Variants in OPRM1 observed in about 807,000 individuals in gnomAD.
OPRM1 encodes the protein opioid receptor mu 1.
Under a neutral mutation model 31.8 loss-of-function variants are expected in OPRM1, and 27 were observed. That is an observed-to-expected ratio of 0.85 (90% CI 0.63 to 1.17). The LOEUF (loss-of-function observed/expected upper bound fraction) is 1.17, where lower values mean the gene tolerates loss of function less well. OPRM1 is among the 50% of genes most tolerant of loss of function. The pLI is 0.00. For missense variants in OPRM1, 536 were observed against 511.1 expected, an observed-to-expected ratio of 1.05 and a Z score of -0.47; for synonymous variants, 196 against 189.9, an observed-to-expected ratio of 1.03 and a Z score of -0.26.
intron 3 of OPRM1, among the ~76,000 whole-genome samples, chr6:154,169,788 C>A (rs1049525339): frequency 4.6e-5 from 7 of 152,214 alleles, no homozygotes; most frequent in African/African-American, 1.7e-4. Context: ...ACCATTCTGG[C>A]CACAGTCACT....
At chr6:154,105,717 C>G (rs1366260486) in intron 3 of OPRM1, among the ~76,000 whole-genome samples, 3 of 152,094 alleles carry the variant, frequency 2.0e-5, no homozygotes, top group African/African-American at 2.4e-5. Flanking sequence ...TAGGAGTTTC[C>G]CATAACTTTG....
At chr6:154,011,313 T>C (rs1777715008) in intron 1 of OPRM1, among the ~76,000 whole-genome samples, 1 of 152,194 alleles carries the variant, frequency 6.6e-6, no homozygotes, top group Non-Finnish European at 1.5e-5. Flanking sequence ...GTTCCTATGG[T>C]GACTTCTTAA....
At chr6:154,171,183 A>G (rs1562522003) in intron 3 of OPRM1, among the ~76,000 whole-genome samples, 1 of 152,250 alleles carries the variant, frequency 6.6e-6, no homozygotes. Context: ...CGGCAGCATT[A>G]TTCATAACAG....
intron 1 of OPRM1, among the ~76,000 whole-genome samples, chr6:154,067,480 T>C (rs961878266): frequency 1.3e-5 from 2 of 151,786 alleles, no homozygotes; most frequent in South Asian, 2.1e-4. Flanking sequence ...TATTATGTTA[T>C]TGATTTTTTT....
At chr6:154,164,615 T>C (rs1020553658) in intron 3 of OPRM1, among the ~76,000 whole-genome samples, 39 of 152,152 alleles carry the variant, frequency 2.6e-4, no homozygotes, top group African/African-American at 9.2e-4. Flanking sequence ...AAAGAGAGAA[T>C]GCTGTACTTT....
At chr6:154,063,112 C>A (rs932982170) in intron 1 of OPRM1, among the ~76,000 whole-genome samples, 1 of 151,976 alleles carries the variant, frequency 6.6e-6, no homozygotes, top group Non-Finnish European at 1.5e-5. Flanking sequence ...TGCATAGCAA[C>A]AAATATCCAG....
intron 1 of OPRM1, chr6:154,087,131 A>G: frequency 1.0e-6 from 1 of 985,238 alleles, no homozygotes; most frequent in Non-Finnish European, 1.2e-6. Context: ...AGTAAGTCCA[A>G]AAAAAAGCCC....
intron 3 of OPRM1, among the ~76,000 whole-genome samples, chr6:154,117,052 GATTTT>G (rs1796955685): frequency 6.6e-6 from 1 of 152,144 alleles, no homozygotes; most frequent in Non-Finnish European, 1.5e-5. Context: ...CAGCTTCTTG[GATTTT>G]ATCCCTCACC....
intron 3 of OPRM1, among the ~76,000 whole-genome samples, chr6:154,184,845 T>C (rs1260841568): frequency 6.6e-6 from 1 of 152,194 alleles, no homozygotes; most frequent in African/African-American, 2.4e-5. Flanking sequence ...CATGTTATAA[T>C]AATTTTGTAA....
chr6:154,021,369 T>C (rs1778356140), intron 1 of OPRM1, among the ~76,000 whole-genome samples: 1 of 152,214 alleles, frequency 6.6e-6, no homozygotes, highest in Admixed American at 6.5e-5. Flanking sequence ...TGTAGCTTTA[T>C]AGTAAGTCTT....
chr6:154,060,048 G>A (rs1159986002), intron 1 of OPRM1, among the ~76,000 whole-genome samples: 2 of 152,090 alleles, frequency 1.3e-5, no homozygotes, highest in Non-Finnish European at 2.9e-5. Context: ...ATGGGAGAGG[G>A]GTTATAGCAA....
intron 3 of OPRM1, among the ~76,000 whole-genome samples, chr6:154,211,616 G>A (rs1036740480): frequency 6.6e-6 from 1 of 152,016 alleles, no homozygotes; most frequent in African/African-American, 2.4e-5. Context: ...GGGAAAAAAA[G>A]GCACTCACCA....
intron 3 of OPRM1, chr6:154,222,951 T>C (rs1778983629): frequency 3.5e-6 from 2 of 576,498 alleles, no homozygotes; most frequent in Admixed American, 5.8e-5. Context: ...CAAGACTTCG[T>C]GGGGGTTTTA....
intron 3 of OPRM1, among the ~76,000 whole-genome samples, chr6:154,180,667 C>G (rs1800796021): frequency 6.6e-6 from 1 of 152,026 alleles, no homozygotes; most frequent in Admixed American, 6.6e-5. Flanking sequence ...TCAACTCTGC[C>G]TCCCCCACTA....
intron 1 of OPRM1, among the ~76,000 whole-genome samples, chr6:154,075,143 C>T (rs1787592022): frequency 6.6e-6 from 1 of 152,162 alleles, no homozygotes; most frequent in South Asian, 2.1e-4. Context: ...TTTTCATCAA[C>T]ACACTTGGCA....
chr6:154,097,779 T>C (rs905567692), intron 3 of OPRM1, among the ~76,000 whole-genome samples: 15 of 152,230 alleles, frequency 9.9e-5, no homozygotes, highest in African/African-American at 3.4e-4. Context: ...CTAGAAAAAT[T>C]TGGCTTTTAG....
At chr6:154,210,104 C>A (rs965657199) in intron 3 of OPRM1, among the ~76,000 whole-genome samples, 24 of 152,056 alleles carry the variant, frequency 1.6e-4, no homozygotes, top group African/African-American at 5.6e-4. Flanking sequence ...GAGCCATGAC[C>A]CCTTGTCTAA....
intron 1 of OPRM1, among the ~76,000 whole-genome samples, chr6:154,054,531 G>A (rs1465338117): frequency 1.3e-5 from 2 of 152,148 alleles, no homozygotes; most frequent in African/African-American, 4.8e-5. Context: ...CCATTTTATG[G>A]ATGAGAAAAC....
chr6:154,039,521 G>C lies in OPRM1; in HGVS notation c.-24G>C, dbSNP rs199560363. The C allele has an allele frequency of 1.1e-5, 17 of 1,596,482 alleles. No individual in the cohort carries two copies. Among genetic ancestry groups the C allele is most frequent in the Admixed American group, 1.8e-5 (1 of 57,116 alleles). On this transcript the variant is annotated 5_prime_UTR_variant, in exon 1 of 4. Transcript: ENST00000330432. The stretch of plus-strand genomic sequence containing the variant: ...GGTGCTCCTGGCTACCTCGCACAGC[G>C]GTGCCCGCCCGGCCGTCAGTACCAT...
Sources: allele counts gnomAD v4.1 joint callset (sites outside exome capture counted in the v4.1 genomes callset), GRCh38; gene constraint gnomAD v4.1.1; transcripts MANE v1.5; gene names NCBI Gene and HGNC (gene_info 2026-07-23, HGNC 2026-07-21).